ITIH1: variants seen among roughly 807,000 people sequenced by gnomAD.
ITIH1 encodes the protein inter-alpha-trypsin inhibitor heavy chain 1, also known as inter-alpha-trypsin inhibitor heavy chain H1.
ITIH1 carries 94 observed loss-of-function variants against 104.6 expected under a neutral mutation model. That is an observed-to-expected ratio of 0.90 (90% confidence interval 0.76 to 1.07). The LOEUF (loss-of-function observed/expected upper bound fraction) is 1.07. Among genes scored for constraint, ITIH1 ranks in the 50% least tolerant of loss-of-function variants. The pLI is 0.00. For missense variants in ITIH1, 1,193 were observed against 1,181.4 expected, an observed-to-expected ratio of 1.01 and a Z score of -0.14; for synonymous variants, 455 against 464.4, an observed-to-expected ratio of 0.98 and a Z score of 0.26.
At chr3:52,788,446 G>T in intron 18 of ITIH1, 101 bp downstream of exon 18, 2 of 794,378 alleles carry the variant, frequency 2.5e-6, no homozygotes, top group Non-Finnish European at 4.2e-6. Flanking sequence ...ACTGCCCTCT[G>T]CCTGGGCACC....
Position 52,779,435 on chromosome 3 carries a change from C to T in ITIH1, c.414C>T (p.Ala138=), listed in dbSNP as rs1348194749. The change falls in exon 5 of 22, where the codon GCC becomes GCT. Residue 138 remains alanine, a synonymous_variant. Coordinates refer to ENST00000273283, the MANE Select transcript of ITIH1 (RefSeq NM_002215.4). The surrounding 1 kb of genome is among the most constrained non-coding windows in gnomAD (Gnocchi z 4.4). ...ISGENAGLVR[A]SGRTMEQFTI... is the part of the protein sequence containing the mutation. ...TTGCCTCTGGTGGCACATCCAGGGC[C>T]TCGGGGAGAACTATGGAGCAATTCA... is the stretch of plus-strand genomic sequence containing the variant. The T allele has an allele frequency of 6.2e-7, 1 of 1,614,110 alleles. No homozygotes were observed. Among genetic ancestry groups the T allele is most frequent in the East Asian group, 2.2e-5 (1 of 44,900 alleles).
intron 12 of ITIH1, 69 bp downstream of exon 12, chr3:52,785,298 C>A: frequency 6.8e-7 from 1 of 1,475,462 alleles, no homozygotes. Context: ...CACACTGTTC[C>A]CCATTCCTGC....
intron 17 of ITIH1, 28 bp from the exon 18 acceptor site, chr3:52,788,204 T>C: frequency 6.4e-7 from 1 of 1,567,172 alleles, no homozygotes; most frequent in East Asian, 2.2e-5. Flanking sequence ...CGATGTCCAA[T>C]CTAACGAATT....
chr3:52,783,071 G>A lies in ITIH1; in HGVS notation c.1045G>A (p.Glu349Lys). 1 of 1,614,132 alleles carries A rather than the reference G, an allele frequency of 6.2e-7. No homozygotes were observed. Among genetic ancestry groups the A allele is most frequent in the Non-Finnish European group, 8.5e-7 (1 of 1,180,030 alleles). Residue 349 changes from glutamate (E) to lysine (K), a missense_variant, in exon 9 of 22, where the codon GAG (glutamate) becomes AAG (lysine). Transcript: ENST00000273283. ...SWKGSLVQAS[E>K]ANLQAAQDFV... ...GAAGGGCTCGCTGGTGCAAGCATCT[G>A]AGGCCAACCTACAAGCAGCTCAAGA...
At position 52,777,686 on chromosome 3, in the gene ITIH1, C is replaced by T. The variant is rs1488258745; in HGVS notation, c.71C>T (p.Ala24Val). The stretch of plus-strand genomic sequence containing the variant: ...CTGGTATCTCTCCTCATCCTGCAGG[C>T]CATGCCTGCCCTGGGCTCGGCTACA... ...MYLVSLLILQ[A>V]MPALGSATGR... The change falls in exon 1 of 22, where the codon GCC (alanine) becomes GTC (valine). Residue 24 changes from alanine to valine, a missense_variant. By Grantham distance (64) the Ala-to-Val change is moderately conservative. Transcript: ENST00000273283. 1 of 1,605,044 alleles carries T rather than the reference C, an allele frequency of 6.2e-7. No homozygotes were observed. The highest frequency in any genetic ancestry group is 8.5e-7 in the Non-Finnish European group (1 of 1,176,024).
intron 1 of ITIH1, 124 bp from the exon 2 acceptor site, chr3:52,777,873 A>T: frequency 7.2e-7 from 1 of 1,393,390 alleles, no homozygotes; most frequent in Non-Finnish European, 1.0e-6. Context: ...ACCTCCCAGC[A>T]CCACCAAGGA....
At position 52,786,305 on chromosome 3, in the gene ITIH1, A is replaced by C; in HGVS notation, c.1604A>C (p.Glu535Ala). The change falls in exon 13 of 22, where the codon GAA (glutamate) becomes GCA (alanine). Residue 535 changes from glutamate to alanine, a missense_variant. Glu to Ala is a moderately radical substitution (Grantham distance 107, BLOSUM62 -1). Coordinates refer to ENST00000273283, the MANE Select transcript of ITIH1 (RefSeq NM_002215.4). ...ADVQAHGEGQ[E>A]FSITCLVDEE... Reference sequence around the variant, plus strand: ...TACCTCAACTCTCAGGAGGGACAAGAATTCAGTATAACCTGCCTAGTGGAT... The same window carrying C: ...TACCTCAACTCTCAGGAGGGACAAGCATTCAGTATAACCTGCCTAGTGGAT... 1 of 1,569,604 alleles carries C rather than the reference A, an allele frequency of 6.4e-7. No individual in the cohort carries two copies. The highest frequency in any genetic ancestry group is 8.7e-7 in the Non-Finnish European group (1 of 1,156,032).
Position 52,791,792 on chromosome 3 carries a change from A to T in ITIH1, c.2617A>T (p.Lys873Ter). The T allele has an allele frequency of 3.1e-6, 5 of 1,613,268 alleles. No individual in the cohort carries two copies. Among genetic ancestry groups the T allele is most frequent in the Non-Finnish European group, 4.2e-6 (5 of 1,179,550 alleles). The change falls in exon 22 of 22, where the codon AAA becomes TAA. Residue 873 changes from lysine to a stop codon, truncating the protein, a stop_gained. Transcript: ENST00000273283. LOFTEE classifies it low-confidence loss of function (END_TRUNC). ...RRLTVTRGLQKDYSKDPWHGA... is the reference protein window; with the variant it reads ...RRLTVTRGLQ Reference sequence around the variant, plus strand: ...CTTGTCTCTGCACAGGGGTTTGCAAAAAGACTACAGCAAGGACCCGTGGCA... The same window carrying T: ...CTTGTCTCTGCACAGGGGTTTGCAATAAGACTACAGCAAGGACCCGTGGCA...
At chr3:52,788,945 T>G (rs1699278518) in intron 18 of ITIH1, among the ~76,000 whole-genome samples, 1 of 152,180 alleles carries the variant, frequency 6.6e-6, no homozygotes, top group South Asian at 2.1e-4. Context: ...TACTAGGTCC[T>G]GCAAATATGT....
chr3:52,784,156 C>A, intron 10 of ITIH1, 140 bp from the exon 11 acceptor site: 8 of 706,936 alleles, frequency 1.1e-5, no homozygotes, highest in Non-Finnish European at 1.9e-5. Context: ...CAGGAGGACG[C>A]GATGCCTCAG....
In ITIH1 at chr3:52,790,618, C is replaced by T. The variant is rs139395670; in HGVS notation, c.2322-131C>T. ...GGAGGGGCGTGGAACAGGTAACAGCCGGCCATCTGGGGATGAAGGCCATGG... is the reference window on the plus strand; with the variant it reads ...GGAGGGGCGTGGAACAGGTAACAGCTGGCCATCTGGGGATGAAGGCCATGG... On this transcript the variant is annotated intron_variant, in intron 19 of 21. Transcript: ENST00000273283. 3.0e-4 allele frequency: 259 copies of T among 872,216 alleles called. 2 individuals carry two copies. The African/African-American group carries it at 3.4e-3, about 12-fold the overall frequency. 54.0% of individuals were successfully genotyped at this position (872,216 alleles called of 1,614,324 possible).
chr3:52,778,875 A>G (rs1698970589), intron 3 of ITIH1, 67 bp from the exon 4 acceptor site: 3 of 1,222,486 alleles, frequency 2.5e-6, no homozygotes, highest in Non-Finnish European at 3.6e-6. Context: ...TCACATGGAC[A>G]GGCCCTCTCA....
At chr3:52,789,563 G>A (rs1699292709) in intron 18 of ITIH1, 90 bp from the exon 19 acceptor site, 6 of 1,161,644 alleles carry the variant, frequency 5.2e-6, no homozygotes, top group East Asian at 4.7e-5. Context: ...CAGGCAGGGC[G>A]TAGAGGCCTC....
Position 52,779,533 on chromosome 3 carries a change from A to G in ITIH1, c.512A>G (p.Asn171Ser). ...ACTTATGAGGAAGTGCTGAAGAGAA[A>G]CCATATGCAGTATGAAATTGTCATC... ...QLTYEEVLKR[N>S]HMQYEIVIKV... Residue 171 changes from asparagine (N) to serine (S), a missense_variant, in exon 5 of 22, where the codon AAC becomes AGC. Transcript: ENST00000273283. The surrounding 1 kb of genome is among the most constrained non-coding windows in gnomAD (Gnocchi z 4.4). The G allele has an allele frequency of 6.2e-7, 1 of 1,614,216 alleles. No homozygotes were observed.
chr3:52,783,168 C>T, intron 9 of ITIH1, 43 bp downstream of exon 9: 1 of 1,614,018 alleles, frequency 6.2e-7, no homozygotes, highest in Non-Finnish European at 8.5e-7. Context: ...CACCTCTGTC[C>T]CCTCAGAATG....
chr3:52,788,919 C>T (rs1699277359), intron 18 of ITIH1, among the ~76,000 whole-genome samples: 1 of 151,854 alleles, frequency 6.6e-6, no homozygotes, highest in South Asian at 2.1e-4. Flanking sequence ...ACAAGGGGCC[C>T]TTCCTTTTTA....
In ITIH1 at chr3:52,784,428, G is replaced by A. The variant is rs1347469269; in HGVS notation, c.1358G>A (p.Gly453Glu). The A allele has an allele frequency of 1.2e-6, 2 of 1,614,028 alleles. No homozygotes were observed. Among genetic ancestry groups the A allele is most frequent in the Non-Finnish European group, 1.7e-6 (2 of 1,180,026 alleles). Reference protein sequence around the residue: ...FLEVMSMENNGRAQRIYEDHD... With the variant: ...FLEVMSMENNERAQRIYEDHD... ...GAGGTCATGTCCATGGAGAACAACG[G>A]ACGGGCCCAGAGAATCTACGAGGAC... The change falls in exon 11 of 22, where the codon GGA becomes GAA. Residue 453 changes from glycine (G) to glutamate (E), a missense_variant. Coordinates refer to ENST00000273283, the MANE Select transcript of ITIH1 (RefSeq NM_002215.4).
At chr3:52,785,345 C>T (rs907900066) in intron 12 of ITIH1, 116 bp downstream of exon 12, 1 of 959,004 alleles carries the variant, frequency 1.0e-6, no homozygotes. Flanking sequence ...AGAGTAGTAC[C>T]CTCATCCCCA....
At chr3:52,789,937 C>T in intron 19 of ITIH1, 83 bp downstream of exon 19, 2 of 1,400,582 alleles carry the variant, frequency 1.4e-6, no homozygotes, top group Non-Finnish European at 2.0e-6. Context: ...GGCCCTCGTC[C>T]CTGAGCCATG....
Sources: gnomAD v4.1 joint callset for allele counts (sites outside exome capture counted in the v4.1 genomes callset) on GRCh38, gnomAD v4.1.1 for gene constraint, Gnocchi (gnomAD v3.1) non-coding constraint, MANE v1.5 for transcripts, NCBI Gene and HGNC (gene_info 2026-07-23, HGNC 2026-07-21) for gene names.